The following ROBO3 variants were observed in gnomAD, a reference collection of about 807,000 sequenced individuals.
ROBO3 encodes the protein roundabout homolog 3.
A neutral mutation model predicts 160.5 loss-of-function variants in ROBO3; 97 were observed. The ratio of observed to expected loss-of-function variants is 0.60; its 90% CI spans 0.51 to 0.72. The LOEUF is 0.72. Ranked by LOEUF, ROBO3 falls within the 30% of genes least tolerant of loss-of-function variation. ROBO3 has a pLI of 0.00. For synonymous variants in ROBO3, 780 were observed against 746.2 expected (o/e 1.05, Z -0.74); for missense variants, 1,858 against 1,846.5 (o/e 1.01, Z -0.11).
intron 7 of ROBO3, 66 bp downstream of exon 7, chr11:124,871,204 C>A: frequency 1.3e-6 from 2 of 1,525,850 alleles, no homozygotes; most frequent in Non-Finnish European, 1.8e-6. Context: ...CCTCCCTCTA[C>A]ATTCTGCAAA....
chr11:124,877,929 C>T lies in ROBO3; in HGVS notation c.2987-8C>T. ...CTGCTTCCGGGCCTCCCTCTTTCTTCTCTGCAGAAGCGGGAATCTCCCTGT... is the reference window on the plus strand; with the variant it reads ...CTGCTTCCGGGCCTCCCTCTTTCTTTTCTGCAGAAGCGGGAATCTCCCTGT... On this transcript the variant is annotated splice_region_variant and splice_polypyrimidine_tract_variant and intron_variant, in intron 20 of 27. Transcript: ENST00000397801. 6.3e-7 allele frequency: 1 copy of T among 1,584,872 alleles called. No homozygotes were observed. The highest frequency in any genetic ancestry group is 8.6e-7 in the Non-Finnish European group (1 of 1,160,472).
intron 12 of ROBO3, among the ~76,000 whole-genome samples, 154 bp downstream of exon 12, chr11:124,874,390 TG>T (rs1946321779): frequency 6.6e-6 from 1 of 152,124 alleles, no homozygotes; most frequent in Non-Finnish European, 1.5e-5. Flanking sequence ...AGATCATGTT[TG>T]CCTCTCACAG....
In ROBO3 at chr11:124,878,474, G is replaced by A. The variant is rs185034993; in HGVS notation, c.3320+38G>A. 11 of 1,607,514 alleles carry A rather than the reference G, an allele frequency of 6.8e-6. No homozygotes were observed. The highest frequency in any genetic ancestry group is 5.3e-5 in the African/African-American group (4 of 74,790). ...CCTGCTTCCAGGCCCACACACCTGC[G>A]GCCAGACCATGGGCTGCTGGGGAGG... is the stretch of plus-strand genomic sequence containing the variant. On this transcript the variant is annotated intron_variant, in intron 22 of 27. Transcript: ENST00000397801. This position sits in a 1 kb window ranked among gnomAD's most constrained non-coding sequence, Gnocchi z 4.3.
Position 124,868,947 on chromosome 11 carries a change from G to T in ROBO3, c.306G>T (p.Ala102=). The T allele has an allele frequency of 6.2e-7, 1 of 1,605,998 alleles. No individual in the cohort carries two copies. The highest frequency in any genetic ancestry group is 1.1e-5 in the South Asian group (1 of 89,722). Residue 102 remains alanine (A), a synonymous_variant, in exon 2 of 28, where the codon GCG becomes GCT. Transcript: ENST00000397801. The part of the protein sequence containing the change: ...RPNIEWYKNG[A]RVATVREDPR... Reference sequence around the variant, plus strand: ...ACATTGAGTGGTACAAGAACGGGGCGCGTGTGGCCACTGTGCGGGAGGATC... The same window carrying T: ...ACATTGAGTGGTACAAGAACGGGGCTCGTGTGGCCACTGTGCGGGAGGATC...
intron 26 of ROBO3, among the ~76,000 whole-genome samples, 172 bp downstream of exon 26, chr11:124,880,120 C>T (rs531001038): frequency 6.6e-6 from 1 of 152,340 alleles, no homozygotes; most frequent in South Asian, 2.1e-4. Flanking sequence ...CCTGAAGTCC[C>T]AAGTTGTGTT....
rs781202490 is a variant in ROBO3, at chr11:124,878,378, C to T, written c.3262C>T (p.Pro1088Ser). Residue 1088 changes from proline to serine, a missense_variant, in exon 22 of 28, where the codon CCT becomes TCT. Physicochemically the swap from Pro to Ser is moderately conservative, Grantham distance 74 (BLOSUM62 -1). Coordinates refer to ENST00000397801, the MANE Select transcript of ROBO3 (RefSeq NM_022370.4). The surrounding 1 kb of genome is among the most constrained non-coding windows in gnomAD (Gnocchi z 4.3). ...SLNWPEALPP[P>S]PPSCELSCLE... is the part of the protein sequence containing the mutation. ...GAACTGGCCAGAAGCCCTGCCCCCA[C>T]CTCCTCCTTCTTGTGAACTGAGCTG... 18 of 1,613,852 alleles carry T rather than the reference C, an allele frequency of 1.1e-5. No individual in the cohort carries two copies. Among genetic ancestry groups the T allele is most frequent in the African/African-American group, 2.7e-5 (2 of 74,922 alleles).
In ROBO3 at chr11:124,879,580, G is replaced by T. The variant is rs778632348; in HGVS notation, c.3796+5G>T. 6.2e-7 allele frequency: 1 copy of T among 1,607,808 alleles called. No homozygotes were observed. The highest frequency in any genetic ancestry group is 8.5e-7 in the Non-Finnish European group (1 of 1,175,210). ...GGAGGGAGAACAGTCCTGGGGGTGA[G>T]GGGGGATGCACCTGGGAGATGGTGA... On this transcript the variant is annotated splice_donor_5th_base_variant and intron_variant, in intron 25 of 27. Coordinates refer to ENST00000397801, the MANE Select transcript of ROBO3 (RefSeq NM_022370.4).
At position 124,869,129 on chromosome 11, in the gene ROBO3, G is replaced by C. The variant is rs767759846; in HGVS notation, c.487+1G>C. ...AGAAACGCCTCGCTGGAAGTGGCAGGTGAGAGTCAGTTGACCGTCAGCTGG... is the reference window on the plus strand; with the variant it reads ...AGAAACGCCTCGCTGGAAGTGGCAGCTGAGAGTCAGTTGACCGTCAGCTGG... On this transcript the variant is annotated splice_donor_variant, in intron 2 of 27. Coordinates refer to ENST00000397801, the MANE Select transcript of ROBO3 (RefSeq NM_022370.4). LOFTEE classifies it high-confidence loss of function. This position sits in a 1 kb window ranked among gnomAD's most constrained non-coding sequence, Gnocchi z 4.2. The C allele has an allele frequency of 1.9e-6, 3 of 1,543,916 alleles. No homozygotes were observed.
Position 124,878,260 on chromosome 11 carries a change from T to C in ROBO3, c.3182-38T>C. On this transcript the variant is annotated intron_variant, in intron 21 of 27. Coordinates refer to ENST00000397801, the MANE Select transcript of ROBO3 (RefSeq NM_022370.4). The surrounding 1 kb of genome is among the most constrained non-coding windows in gnomAD (Gnocchi z 4.3). ...ACCTGTCTCATCTCTGGCTCTTTCC[T>C]GCCTGTTCTCCGGGTGTCCCCATCC... is the stretch of plus-strand genomic sequence containing the variant. 6.2e-7 allele frequency: 1 copy of C among 1,607,972 alleles called. No homozygotes were observed. Among genetic ancestry groups the C allele is most frequent in the Non-Finnish European group, 8.5e-7 (1 of 1,177,016 alleles).
At chr11:124,881,078 C>T (rs1946570405) in intron 27 of ROBO3, among the ~76,000 whole-genome samples, 161 bp from the exon 28 acceptor site, 1 of 152,084 alleles carries the variant, frequency 6.6e-6, no homozygotes, top group Non-Finnish European at 1.5e-5. Flanking sequence ...ACAAACAAAA[C>T]AAAAGAAATG....
rs1461816886 is a variant in ROBO3 at position 124,873,906 on chromosome 11, G to A, written c.1784+44G>A. ...ATGCAAACCTGGAGAGTTAAAAGGAGGGGATCCTATGCCCTTAGGGTCTTT... is the reference window on the plus strand; with the variant it reads ...ATGCAAACCTGGAGAGTTAAAAGGAAGGGATCCTATGCCCTTAGGGTCTTT... On this transcript the variant is annotated intron_variant, in intron 11 of 27. Coordinates refer to ENST00000397801, the MANE Select transcript of ROBO3 (RefSeq NM_022370.4). This position sits in a 1 kb window ranked among gnomAD's most constrained non-coding sequence, Gnocchi z 4.5. The A allele has an allele frequency of 2.5e-6, 4 of 1,609,386 alleles. No individual in the cohort carries two copies. The highest frequency in any genetic ancestry group is 3.4e-6 in the Non-Finnish European group (4 of 1,176,788).
chr11:124,874,315 A>G, intron 12 of ROBO3, 79 bp downstream of exon 12: 1 of 1,322,998 alleles, frequency 7.6e-7, no homozygotes, highest in East Asian at 2.4e-5. Context: ...CCATGACACC[A>G]CGGCAGTTCA....
At position 124,870,588 on chromosome 11, in the gene ROBO3, G is replaced by T. The variant is rs765503356; in HGVS notation, c.906-13G>T. On this transcript the variant is annotated splice_polypyrimidine_tract_variant and intron_variant, in intron 5 of 27. Transcript: ENST00000397801. ...GCTGTGGCCAACCCAGCCTGGGGTG[G>T]GGAGTGGAGCAGGTATGAGATCCGG... The T allele has an allele frequency of 2.5e-6, 4 of 1,613,728 alleles. No homozygotes were observed. Among genetic ancestry groups the T allele is most frequent in the Non-Finnish European group, 2.5e-6 (3 of 1,179,840 alleles).
chr11:124,874,015 A>G (rs1946314177), intron 11 of ROBO3, 55 bp from the exon 12 acceptor site: 1 of 1,605,720 alleles, frequency 6.2e-7, no homozygotes, highest in Non-Finnish European at 8.5e-7. Context: ...GAGATGGAGT[A>G]GGCAGGTTGG....
At chr11:124,875,758 T>G in intron 15 of ROBO3, 73 bp downstream of exon 15, 2 of 1,530,348 alleles carry the variant, frequency 1.3e-6, no homozygotes, top group Non-Finnish European at 1.8e-6. Flanking sequence ...TGGCTAGAAT[T>G]AGGGTGGAGG....
rs1946275260 is a variant in ROBO3, at chr11:124,871,090, C to G, written c.1110C>G (p.Thr370=). 6.2e-7 allele frequency: 1 copy of G among 1,613,594 alleles called. No individual in the cohort carries two copies. The highest frequency in any genetic ancestry group is 8.5e-7 in the Non-Finnish European group (1 of 1,179,702). The change falls in exon 7 of 28, where the codon ACC becomes ACG. Residue 370 remains threonine, a synonymous_variant. Transcript: ENST00000397801. ...PGESVAFQCE[T]KGNPPPAIFW... ...AGAGCGTGGCTTTCCAGTGCGAGACCAAAGGAAACCCCCCACCTGCCATCT... is the reference window on the plus strand; with the variant it reads ...AGAGCGTGGCTTTCCAGTGCGAGACGAAAGGAAACCCCCCACCTGCCATCT...
Position 124,870,245 on chromosome 11 carries a change from G to A in ROBO3, c.847G>A (p.Gly283Arg). 1 of 1,614,044 alleles carries A rather than the reference G, an allele frequency of 6.2e-7. No individual in the cohort carries two copies. Residue 283 changes from glycine (G) to arginine (R), a missense_variant, in exon 5 of 28, where the codon GGG becomes AGG. Transcript: ENST00000397801. ...APVTFLCEVKGDPPPRLRWRK... is the reference protein window; with the variant it reads ...APVTFLCEVKRDPPPRLRWRK... Reference sequence around the variant, plus strand: ...TGTGACTTTCCTATGTGAGGTGAAGGGGGATCCCCCACCTCGTCTACGCTG... The same window carrying A: ...TGTGACTTTCCTATGTGAGGTGAAGAGGGATCCCCCACCTCGTCTACGCTG...
In ROBO3 at chr11:124,870,590, G is replaced by C; in HGVS notation, c.906-11G>C. ...TGTGGCCAACCCAGCCTGGGGTGGG[G>C]AGTGGAGCAGGTATGAGATCCGGAG... is the stretch of plus-strand genomic sequence containing the variant. On this transcript the variant is annotated splice_polypyrimidine_tract_variant and intron_variant, in intron 5 of 27. Coordinates refer to ENST00000397801, the MANE Select transcript of ROBO3 (RefSeq NM_022370.4). 1 of 1,613,732 alleles carries C rather than the reference G, an allele frequency of 6.2e-7. No homozygotes were observed. Among genetic ancestry groups the C allele is most frequent in the South Asian group, 1.1e-5 (1 of 90,922 alleles).
rs1440976010 is a variant in ROBO3 at position 124,877,198 on chromosome 11, G to A, written c.2803+14G>A. 1 of 1,613,834 alleles carries A rather than the reference G, an allele frequency of 6.2e-7. No homozygotes were observed. The highest frequency in any genetic ancestry group is 8.5e-7 in the Non-Finnish European group (1 of 1,179,846). On this transcript the variant is annotated intron_variant, in intron 18 of 27. Transcript: ENST00000397801. Reference sequence around the variant, plus strand: ...ACACACCGGCAGGTAAGCCATCTCTGCCCCAGTGGGGTTCAGACCCCCCGG... The same window carrying A: ...ACACACCGGCAGGTAAGCCATCTCTACCCCAGTGGGGTTCAGACCCCCCGG...
Sources: allele counts gnomAD v4.1 joint callset (sites outside exome capture counted in the v4.1 genomes callset), GRCh38; gene constraint gnomAD v4.1.1; non-coding constraint Gnocchi (gnomAD v3.1); transcripts MANE v1.5; gene names NCBI Gene and HGNC (gene_info 2026-07-23, HGNC 2026-07-21).